Variants in HCN1 observed in about 807,000 individuals in gnomAD.
HCN1 encodes the protein hyperpolarization activated cyclic nucleotide gated potassium channel 1.
HCN1 carries 13 observed loss-of-function variants against 78.9 expected under a neutral mutation model. The ratio of observed to expected loss-of-function variants is 0.16; its 90% CI spans 0.11 to 0.26. The LOEUF is 0.26. Ranked by LOEUF, HCN1 falls within the 10% of genes least tolerant of loss-of-function variation. The probability of loss-of-function intolerance (pLI) is 1.00; values close to 1 mark genes in which losing one functional copy is unlikely to be tolerated. For synonymous variants in HCN1, 552 were observed against 455.5 expected, an observed-to-expected ratio of 1.21 and a Z score of -2.70; for missense variants, 810 against 1,154.3, an observed-to-expected ratio of 0.70 and a Z score of 4.32.
chr5:45,579,893 G>A (rs1744022811), intron 2 of HCN1, among the ~76,000 whole-genome samples: 1 of 152,060 alleles, frequency 6.6e-6, no homozygotes, highest in Non-Finnish European at 1.5e-5. Context: ...TGATTTATAG[G>A]AGATGATAAA....
intron 5 of HCN1, among the ~76,000 whole-genome samples, chr5:45,329,393 T>G (rs1035038226): frequency 4.0e-5 from 6 of 151,456 alleles, no homozygotes; most frequent in African/African-American, 1.2e-4. Context: ...GTCTTAGAGA[T>G]AAACAATGTC....
intron 2 of HCN1, among the ~76,000 whole-genome samples, chr5:45,472,458 G>A (rs923213449): frequency 9.2e-5 from 13 of 141,342 alleles, no homozygotes; most frequent in African/African-American, 3.0e-4. Context: ...CACTTAACAC[G>A]TTTACAAATT....
Position 45,629,331 on chromosome 5 carries a change from T to C in HCN1, c.849+15854A>G, listed in dbSNP as rs918355232. 1.1e-4 allele frequency among the ~76,000 whole-genome samples: 17 copies of C among 152,146 alleles called. 1 individual carries two copies. The highest frequency in any genetic ancestry group is 5.8e-4 in the East Asian group (3 of 5,194). On this transcript the variant is annotated intron_variant, in intron 2 of 7. Transcript: ENST00000303230. ...TGGAAGATTTGAACAACATTGTTAATTGAGTAAATTTGACCTAATTGACTA... is the reference window on the plus strand; with the variant it reads ...TGGAAGATTTGAACAACATTGTTAACTGAGTAAATTTGACCTAATTGACTA...
At chr5:45,527,650 A>G (rs1742763117) in intron 2 of HCN1, among the ~76,000 whole-genome samples, 1 of 150,202 alleles carries the variant, frequency 6.7e-6, no homozygotes, top group African/African-American at 2.5e-5. Flanking sequence ...ACACACTGAC[A>G]TTCACATCCT....
At chr5:45,282,084 T>C (rs912925073) in intron 6 of HCN1, among the ~76,000 whole-genome samples, 3 of 152,202 alleles carry the variant, frequency 2.0e-5, no homozygotes, top group Non-Finnish European at 4.4e-5. Flanking sequence ...CATAGGACTA[T>C]CAAATATCAT....
intron 3 of HCN1, among the ~76,000 whole-genome samples, chr5:45,411,114 C>T (rs1406615574): frequency 6.6e-6 from 1 of 151,954 alleles, no homozygotes; most frequent in East Asian, 1.9e-4. Flanking sequence ...ATAAATTCTC[C>T]ACTCACATTA....
At chr5:45,274,147 A>G (rs1277344413) in intron 6 of HCN1, among the ~76,000 whole-genome samples, 1 of 152,154 alleles carries the variant, frequency 6.6e-6, no homozygotes, top group East Asian at 1.9e-4. Context: ...ATTACATATT[A>G]TAATATTCTA....
At chr5:45,356,584 A>C (rs1398057972) in intron 4 of HCN1, among the ~76,000 whole-genome samples, 4 of 151,988 alleles carry the variant, frequency 2.6e-5, no homozygotes, top group African/African-American at 7.2e-5. Context: ...AACTGTCATA[A>C]AATGGTGTTT....
intron 6 of HCN1, among the ~76,000 whole-genome samples, chr5:45,278,120 CCT>C (rs762796851): frequency 2.0e-5 from 3 of 152,040 alleles, no homozygotes; most frequent in Non-Finnish European, 4.4e-5. Context: ...GTGTCATCCC[CCT>C]GAGTGCCTGA....
chr5:45,481,466 T>C (rs1218478963), intron 2 of HCN1, among the ~76,000 whole-genome samples: 1 of 152,128 alleles, frequency 6.6e-6, no homozygotes, highest in Non-Finnish European at 1.5e-5. Flanking sequence ...GGATCAAACC[T>C]AAAAAGGACT....
At chr5:45,499,585 G>A (rs1742146926) in intron 2 of HCN1, among the ~76,000 whole-genome samples, 1 of 152,144 alleles carries the variant, frequency 6.6e-6, no homozygotes, top group Admixed American at 6.5e-5. Flanking sequence ...GACTGGAGCT[G>A]TTCCTTTTTG....
At chr5:45,486,541 A>T (rs1277704588) in intron 2 of HCN1, among the ~76,000 whole-genome samples, 1 of 152,158 alleles carries the variant, frequency 6.6e-6, no homozygotes, top group Non-Finnish European at 1.5e-5. Context: ...TTTTTGTTGC[A>T]CTGGCTACAT....
chr5:45,613,823 A>C (rs183017770), intron 2 of HCN1, among the ~76,000 whole-genome samples: 356 of 152,270 alleles, frequency 2.3e-3, no homozygotes, highest in African/African-American at 8.1e-3. Context: ...AAAACTTGCC[A>C]TATCAATAGT....
At chr5:45,303,953 C>T (rs1561096468) in intron 5 of HCN1, 114 bp from the exon 6 acceptor site, 6 of 983,918 alleles carry the variant, frequency 6.1e-6, no homozygotes, top group Admixed American at 6.1e-5. Context: ...AATTTAGATA[C>T]AAAAATTCAT....
intron 2 of HCN1, among the ~76,000 whole-genome samples, chr5:45,605,291 C>T (rs1438341333): frequency 1.3e-5 from 2 of 151,890 alleles, no homozygotes; most frequent in African/African-American, 4.8e-5. Context: ...ACATTCATGT[C>T]TTTAACTCTA....
intron 2 of HCN1, among the ~76,000 whole-genome samples, chr5:45,568,071 C>A (rs907149030): frequency 6.6e-6 from 1 of 152,012 alleles, no homozygotes. Context: ...ACTCTACTCA[C>A]GTGCAGCCAG....
chr5:45,472,711 C>A (rs1224453254), intron 2 of HCN1, among the ~76,000 whole-genome samples: 1 of 151,800 alleles, frequency 6.6e-6, no homozygotes, highest in East Asian at 1.9e-4. Context: ...TTTCCAAATA[C>A]TCTTTGTGAC....
chr5:45,664,479 A>AG (rs964017303), intron 1 of HCN1, among the ~76,000 whole-genome samples: 2 of 150,316 alleles, frequency 1.3e-5, no homozygotes, highest in Non-Finnish European at 3.0e-5. Context: ...AAAGAAAAAA[A>AG]AAAAAAGAAA....
At chr5:45,436,860 G>T (rs1740568001) in intron 3 of HCN1, among the ~76,000 whole-genome samples, 1 of 152,156 alleles carries the variant, frequency 6.6e-6, no homozygotes, top group Non-Finnish European at 1.5e-5. Flanking sequence ...ATATAGCCTA[G>T]CTCCCTCATT....
Sources: allele counts gnomAD v4.1 joint callset (sites outside exome capture counted in the v4.1 genomes callset), GRCh38; gene constraint gnomAD v4.1.1; transcripts MANE v1.5; gene names NCBI Gene and HGNC (gene_info 2026-07-23, HGNC 2026-07-21).